The following SLC39A10 variants were observed in gnomAD, a reference collection of about 807,000 sequenced individuals.
SLC39A10 encodes solute carrier family 39 member 10, also known as zinc transporter ZIP10.
SLC39A10 carries 13 observed loss-of-function variants against 65.1 expected under a neutral mutation model. That is an observed-to-expected ratio of 0.20 (90% confidence interval 0.13 to 0.32). The LOEUF (loss-of-function observed/expected upper bound fraction) is 0.32, where lower values mean the gene tolerates loss of function less well. SLC39A10 is among the 10% of genes least tolerant of loss of function. SLC39A10 has a pLI of 1.00. For synonymous variants in SLC39A10, 321 were observed against 342.2 expected (o/e 0.94, Z 0.68); for missense variants, 831 against 1,018.4 (o/e 0.82, Z 2.50).
rs1400861135 is a variant in SLC39A10 at position 195,669,510 on chromosome 2, AT to A, written c.-11-10517del. ...ATTTTTAAAATCTCAAACATTCTAC[AT>A]TTTTATTATGTTCATCTATATGAAA... On this transcript the variant is annotated intron_variant, in intron 1 of 9. Coordinates refer to ENST00000359634, the MANE Select transcript of SLC39A10 (RefSeq NM_020342.3). Among the ~76,000 whole-genome samples the A allele has an allele frequency of 2.5e-4, 38 of 152,350 alleles. 1 individual carries two copies. Among genetic ancestry groups the A allele is most frequent in the Admixed American group, 2.2e-3 (34 of 15,298 alleles).
intron 1 of SLC39A10, among the ~76,000 whole-genome samples, chr2:195,675,350 G>T (rs1323181049): frequency 6.6e-6 from 1 of 152,134 alleles, no homozygotes; most frequent in Admixed American, 6.5e-5. Context: ...CTTTTTATGT[G>T]AAAGTTTTCC....
At chr2:195,651,912 T>C (rs1689038857), upstream of SLC39A10, among the ~76,000 whole-genome samples, 1 of 152,222 alleles carries the variant, frequency 6.6e-6, no homozygotes, top group Admixed American at 6.5e-5. Context: ...GTAACTTATT[T>C]GAAGATATTT....
chr2:195,664,140 A>G (rs540949746), intron 1 of SLC39A10, among the ~76,000 whole-genome samples: 1 of 35,528 alleles, frequency 2.8e-5, no homozygotes, highest in African/African-American at 7.2e-5. Context: ...CTTTAAATTC[A>G]CTGTAAATAT....
At chr2:195,702,030 A>T (rs935766425) in intron 3 of SLC39A10, among the ~76,000 whole-genome samples, 1 of 152,038 alleles carries the variant, frequency 6.6e-6, no homozygotes, top group Non-Finnish European at 1.5e-5. Flanking sequence ...GGCATGCATG[A>T]TTACTTTCTA....
chr2:195,701,252 A>C (rs1298829472), intron 3 of SLC39A10, among the ~76,000 whole-genome samples: 1 of 151,110 alleles, frequency 6.6e-6, no homozygotes, highest in Non-Finnish European at 1.5e-5. Flanking sequence ...TGTACTTCGC[A>C]GTTCCAGAGT....
Position 195,680,101 on chromosome 2 carries a change from A to G in SLC39A10, c.59A>G (p.His20Arg). The G allele has an allele frequency of 2.5e-6, 4 of 1,608,472 alleles. No individual in the cohort carries two copies. The highest frequency in any genetic ancestry group is 3.4e-6 in the Non-Finnish European group (4 of 1,178,698). The change falls in exon 2 of 10, where the codon CAT becomes CGT. Residue 20 changes from histidine to arginine, a missense_variant. His to Arg is a conservative substitution (Grantham distance 29). Transcript: ENST00000359634. ...CLICLLTFIFHHCNHCHEEHD... is the reference protein window; with the variant it reads ...CLICLLTFIFRHCNHCHEEHD... ...ATTTGTTTGCTGACATTTATTTTTC[A>G]TCATTGCAACCATTGCCATGAAGAA...
intron 6 of SLC39A10, among the ~76,000 whole-genome samples, chr2:195,714,010 T>C (rs1691695579): frequency 6.6e-6 from 1 of 151,968 alleles, no homozygotes; most frequent in African/African-American, 2.4e-5. Flanking sequence ...TACTGCAAGC[T>C]CCGCCTCCCG....
chr2:195,713,659 C>T (rs900690388), intron 6 of SLC39A10, 106 bp downstream of exon 6: 27 of 1,240,152 alleles, frequency 2.2e-5, no homozygotes, highest in Non-Finnish European at 2.9e-5. Flanking sequence ...TTAAATAATA[C>T]AGTAAACTAA....
intron 2 of SLC39A10, among the ~76,000 whole-genome samples, chr2:195,619,092 CAAAAAAAAA>C (rs66627464): frequency 1.4e-5 from 1 of 69,656 alleles, no homozygotes; most frequent in Non-Finnish European, 2.6e-5. Context: ...GACTCTGTCT[CAAAAAAAAA>C]AAAAAAAAAA....
intron 2 of SLC39A10, among the ~76,000 whole-genome samples, chr2:195,647,554 T>C (rs1157935685): frequency 3.3e-5 from 5 of 151,980 alleles, no homozygotes; most frequent in African/African-American, 1.2e-4. Context: ...TACTCATCCA[T>C]AAGTCAGACT....
intron 1 of SLC39A10, among the ~76,000 whole-genome samples, chr2:195,673,014 G>A (rs1448036616): frequency 1.3e-5 from 2 of 152,088 alleles, no homozygotes; most frequent in Admixed American, 6.6e-5. Context: ...CGTTTAAATG[G>A]TGACTTTATC....
intron 6 of SLC39A10, among the ~76,000 whole-genome samples, chr2:195,713,982 A>G (rs1188018987): frequency 4.0e-5 from 6 of 151,756 alleles, no homozygotes; most frequent in African/African-American, 1.5e-4. Context: ...GCTGGAGTGC[A>G]GTAGCGCCAT....
intron 3 of SLC39A10, among the ~76,000 whole-genome samples, chr2:195,696,331 A>AAC (rs1553503257): frequency 2.0e-5 from 3 of 151,962 alleles, no homozygotes; most frequent in East Asian, 1.9e-4. Flanking sequence ...AAAAAAAAAA[A>AAC]AAAACCTATC....
At chr2:195,681,071 G>A (rs186169659) in intron 2 of SLC39A10, 21 bp downstream of exon 2, 1,430 of 1,576,768 alleles carry the variant, frequency 9.1e-4, no homozygotes, top group Non-Finnish European at 1.1e-3. Flanking sequence ...AAAGATGTCC[G>A]ATAGCTGCTT....
At chr2:195,722,439 A>G (rs1692078358) in intron 8 of SLC39A10, among the ~76,000 whole-genome samples, 1 of 152,246 alleles carries the variant, frequency 6.6e-6, no homozygotes, top group Non-Finnish European at 1.5e-5. Context: ...GGGACCATAA[A>G]TAAAGGAAGT....
In SLC39A10 at chr2:195,735,032, C is replaced by T. The variant is rs746091158; in HGVS notation, c.2487C>T (p.Ile829=). The change falls in exon 10 of 10, where the codon ATC becomes ATT. Residue 829 remains isoleucine, a synonymous_variant. Transcript: ENST00000359634. Reference sequence around the variant, plus strand: ...ATGAAGATAAAATTGTGTTTGACATCCAGTTTTGACCTTTCCCAGTAATCA... The same window carrying T: ...ATGAAGATAAAATTGTGTTTGACATTCAGTTTTGACCTTTCCCAGTAATCA... The part of the protein sequence containing the change: ...ALYEDKIVFD[I]QF The T allele has an allele frequency of 1.6e-5, 25 of 1,609,390 alleles. No homozygotes were observed. The highest frequency in any genetic ancestry group is 2.0e-5 in the Non-Finnish European group (24 of 1,178,482).
chr2:195,634,161 C>T (rs72929773), intron 2 of SLC39A10, among the ~76,000 whole-genome samples: 25,237 of 152,134 alleles, frequency 0.17, 2,247 homozygotes, highest in Middle Eastern at 0.27. Context: ...GACCACATCC[C>T]CAGCTTTGGT....
upstream of SLC39A10, among the ~76,000 whole-genome samples, chr2:195,656,028 T>C (rs1021903447): frequency 2.6e-5 from 4 of 152,198 alleles, no homozygotes; most frequent in African/African-American, 9.6e-5. Flanking sequence ...CTCAGTTTCC[T>C]ACCTCACCGT....
At chr2:195,619,433 G>A in intron 2 of SLC39A10, among the ~76,000 whole-genome samples, 1 of 152,228 alleles carries the variant, frequency 6.6e-6, no homozygotes, top group East Asian at 1.9e-4. Flanking sequence ...TTTGGGGATG[G>A]AGAGATACTG....
Sources: allele counts gnomAD v4.1 joint callset (sites outside exome capture counted in the v4.1 genomes callset), GRCh38; gene constraint gnomAD v4.1.1; transcripts MANE v1.5; gene names NCBI Gene and HGNC (gene_info 2026-07-23, HGNC 2026-07-21).